The following KIF1B variants were observed in gnomAD, a reference collection of about 807,000 sequenced individuals.
KIF1B encodes the protein kinesin-like protein KIF1B.
Under a neutral mutation model 241.9 loss-of-function variants are expected in KIF1B, and 76 were observed. The ratio of observed to expected loss-of-function variants is 0.31; its 90% CI spans 0.26 to 0.38. The LOEUF (loss-of-function observed/expected upper bound fraction) is 0.38. Among genes scored for constraint, KIF1B ranks in the 10% least tolerant of loss-of-function variants. The pLI, the probability that KIF1B is intolerant of heterozygous loss-of-function variation, is 1.00. For synonymous variants in KIF1B, 750 were observed against 796.7 expected, an observed-to-expected ratio of 0.94 and a Z score of 0.99; for missense variants, 1,622 against 2,271.4, an observed-to-expected ratio of 0.71 and a Z score of 5.81.
chr1:10,232,564 C>T, intron 2 of KIF1B, 130 bp downstream of exon 2: 1 of 707,422 alleles, frequency 1.4e-6, no homozygotes, highest in Non-Finnish European at 2.6e-6. Flanking sequence ...CTGAATGATC[C>T]ATTGAATGTA....
Position 10,303,319 on chromosome 1 carries a change from A to G in KIF1B, c.2115+6073A>G, listed in dbSNP as rs1477127004. 1 of 1,614,220 alleles carries G rather than the reference A, an allele frequency of 6.2e-7. No homozygotes were observed. Among genetic ancestry groups the G allele is most frequent in the South Asian group, 1.1e-5 (1 of 91,082 alleles). On this transcript the variant is annotated intron_variant, in intron 22 of 48. Coordinates refer to ENST00000676179, the MANE Select transcript of KIF1B (RefSeq NM_001365951.3). The surrounding 1 kb of genome is among the most constrained non-coding windows in gnomAD (Gnocchi z 5.2). Reference sequence around the variant, plus strand: ...AAGCAGTGGGAAGAAACGTGAACCAATTAAAATGTATCAGATACCCCAAAG... The same window carrying G: ...AAGCAGTGGGAAGAAACGTGAACCAGTTAAAATGTATCAGATACCCCAAAG...
rs774615554 is a variant in KIF1B, at chr1:10,360,991, G to A, written c.4118G>A (p.Arg1373Gln). 6 of 1,613,818 alleles carry A rather than the reference G, an allele frequency of 3.7e-6. No homozygotes were observed. The highest frequency in any genetic ancestry group is 2.2e-5 in the East Asian group (1 of 44,882). Reference sequence around the variant, plus strand: ...CTGCATAACTCCCTTCTTCTGAACCGAGTGACACCCTATGGAGAAAAGATC... The same window carrying A: ...CTGCATAACTCCCTTCTTCTGAACCAAGTGACACCCTATGGAGAAAAGATC... ...SSLHNSLLLN[R>Q]VTPYGEKIYM... The change falls in exon 39 of 49, where the codon CGA becomes CAA. Residue 1373 changes from arginine (R) to glutamine (Q), a missense_variant. Around this residue, in one of 7 missense-constraint regions of KIF1B, gnomAD observed 803 missense variants for 1,112.0 expected, o/e 0.72. Transcript: ENST00000676179.
chr1:10,373,924 C>T (rs1405782295), intron 45 of KIF1B, among the ~76,000 whole-genome samples: 1 of 152,166 alleles, frequency 6.6e-6, no homozygotes, highest in African/African-American at 2.4e-5. Flanking sequence ...GAACAGTTTC[C>T]CAGGTGAAGC....
intron 12 of KIF1B, among the ~76,000 whole-genome samples, chr1:10,277,213 A>G (rs555298002): frequency 6.6e-6 from 1 of 152,108 alleles, no homozygotes; most frequent in Admixed American, 6.5e-5. Context: ...TGGAAAGCTG[A>G]GGCAGGAGGA....
intron 37 of KIF1B, among the ~76,000 whole-genome samples, chr1:10,350,250 T>A (rs1436981513): frequency 1.4e-5 from 2 of 145,310 alleles, no homozygotes; most frequent in Non-Finnish European, 3.0e-5. Flanking sequence ...GACAGCAGAG[T>A]GAGACTCTGT....
intron 37 of KIF1B, among the ~76,000 whole-genome samples, chr1:10,351,808 A>G (rs547442758): frequency 2.2e-4 from 34 of 152,096 alleles, no homozygotes; most frequent in Non-Finnish European, 4.7e-4. Context: ...TCTACAAAAA[A>G]ATAAAATAAA....
chr1:10,360,624 G>T (rs919049663), intron 38 of KIF1B, among the ~76,000 whole-genome samples: 6 of 150,940 alleles, frequency 4.0e-5, no homozygotes, highest in Non-Finnish European at 7.4e-5. Flanking sequence ...GGCAGAGGTT[G>T]CAGTGATCCG....
intron 18 of KIF1B, 137 bp from the exon 19 acceptor site, chr1:10,295,523 A>G: frequency 2.6e-6 from 2 of 772,454 alleles, no homozygotes; most frequent in South Asian, 2.9e-5. Context: ...TAGAATTCAT[A>G]GTTGAAAGCT....
chr1:10,306,167 T>G (rs1279281497), intron 22 of KIF1B: 1 of 1,039,164 alleles, frequency 9.6e-7, no homozygotes, highest in East Asian at 5.8e-5. Flanking sequence ...TTTTTTCCCC[T>G]TAAAAAGAGA....
Position 10,321,805 on chromosome 1 carries a change from A to G in KIF1B, c.2306A>G (p.Asn769Ser). Reference protein sequence around the residue: ...FTSLRDLLWGNAVYLKEANAI... With the variant: ...FTSLRDLLWGSAVYLKEANAI... ...TCATTACGGGACTTACTCTGGGGCA[A>G]TGCCGTGTACCTAAAGGAGGCCAAT... The change falls in exon 24 of 49, where the codon AAT (asparagine) becomes AGT (serine). Residue 769 changes from asparagine to serine, a missense_variant. Physicochemically the swap from Asn to Ser is conservative, Grantham distance 46. Transcript: ENST00000676179. 1.2e-6 allele frequency: 2 copies of G among 1,614,202 alleles called. No individual in the cohort carries two copies. The highest frequency in any genetic ancestry group is 8.5e-7 in the Non-Finnish European group (1 of 1,180,020).
intron 47 of KIF1B, 54 bp from the exon 48 acceptor site, chr1:10,375,201 T>TC (rs1638848440): frequency 1.3e-6 from 2 of 1,502,680 alleles, no homozygotes; most frequent in Admixed American, 3.3e-5. Context: ...GGCAAGGCAG[T>TC]CCCCATTGCT....
At chr1:10,264,282 A>G (rs1648321660) in intron 5 of KIF1B, among the ~76,000 whole-genome samples, 2 of 152,234 alleles carry the variant, frequency 1.3e-5, no homozygotes, top group African/African-American at 4.8e-5. Context: ...TTAGTGGTGT[A>G]TACCAATTGC....
In KIF1B at chr1:10,258,849, A is replaced by T. The variant is rs143802498; in HGVS notation, c.363+177A>T. ...GCTCACAATTGAATGGGAAGGATTG[A>T]CATGTACACATGTCTGTCATTAAAG... On this transcript the variant is annotated intron_variant, in intron 4 of 48. Coordinates refer to ENST00000676179, the MANE Select transcript of KIF1B (RefSeq NM_001365951.3). Among the ~76,000 whole-genome samples, 648 of 152,338 alleles carry T rather than the reference A, an allele frequency of 4.3e-3. 2 individuals are homozygous for T. The highest frequency in any genetic ancestry group is 5.9e-3 in the Non-Finnish European group (403 of 68,032).
At chr1:10,235,179 C>T (rs111311709) in intron 2 of KIF1B, among the ~76,000 whole-genome samples, 8,003 of 151,698 alleles carry the variant, frequency 0.053, 335 homozygotes, top group Middle Eastern at 0.13. Flanking sequence ...CGTGATCCAC[C>T]GTGCTCGGCC....
At chr1:10,284,125 G>A (rs778508583) in intron 15 of KIF1B, among the ~76,000 whole-genome samples, 7 of 152,170 alleles carry the variant, frequency 4.6e-5, no homozygotes, top group Admixed American at 3.3e-4. Context: ...TGTAAACCCA[G>A]TACTTTGGGA....
intron 14 of KIF1B, 42 bp from the exon 15 acceptor site, chr1:10,282,279 CT>C: frequency 6.7e-7 from 1 of 1,492,966 alleles, no homozygotes; most frequent in Non-Finnish European, 9.3e-7. Flanking sequence ...GCTTCTTTCC[CT>C]TTTCCCTACT....
intron 2 of KIF1B, among the ~76,000 whole-genome samples, chr1:10,251,563 T>C (rs1027659515): frequency 1.3e-5 from 2 of 152,020 alleles, no homozygotes; most frequent in Admixed American, 1.3e-4. Context: ...GGTGAAACCC[T>C]GTCTCTACTA....
intron 33 of KIF1B, 26 bp downstream of exon 33, chr1:10,342,194 T>C (rs1253576173): frequency 3.7e-6 from 5 of 1,359,178 alleles, no homozygotes; most frequent in African/African-American, 1.4e-5. Context: ...GCAAACATTT[T>C]TGATGGTATT....
At chr1:10,238,250 G>A (rs1647083915) in intron 2 of KIF1B, among the ~76,000 whole-genome samples, 1 of 150,416 alleles carries the variant, frequency 6.6e-6, no homozygotes, top group South Asian at 2.1e-4. Flanking sequence ...GTGTGGTGGT[G>A]GGCACCTGTA....
Sources: gnomAD v4.1 joint callset for allele counts (sites outside exome capture counted in the v4.1 genomes callset) on GRCh38, gnomAD v4.1.1 for gene constraint, gnomAD v4.1.1 regional missense constraint, Gnocchi (gnomAD v3.1) non-coding constraint, MANE v1.5 for transcripts, NCBI Gene and HGNC (gene_info 2026-07-23, HGNC 2026-07-21) for gene names.